Variants in KCNQ3 observed in about 807,000 individuals in gnomAD.
KCNQ3 encodes the protein potassium voltage-gated channel subfamily Q member 3, also known as potassium voltage-gated channel subfamily KQT member 3.
Under a neutral mutation model 92.5 loss-of-function variants are expected in KCNQ3, and 30 were observed. That is an observed-to-expected ratio of 0.32 (90% confidence interval 0.24 to 0.44). KCNQ3 has a LOEUF of 0.44. Among genes scored for constraint, KCNQ3 ranks in the 20% least tolerant of loss-of-function variants. The pLI is 1.00. For synonymous variants in KCNQ3, 450 were observed against 468.8 expected (o/e 0.96, Z 0.52); for missense variants, 913 against 1,140.3 (o/e 0.80, Z 2.87).
chr8:132,147,343 C>CATT (rs10659931), intron 9 of KCNQ3, among the ~76,000 whole-genome samples: 92,308 of 151,718 alleles, frequency 0.61, 28,352 homozygotes, highest in African/African-American at 0.66. Flanking sequence ...TTATAACCAT[C>CATT]ATAAGCTATT....
chr8:132,319,701 G>T (rs928077386), intron 1 of KCNQ3, among the ~76,000 whole-genome samples: 1 of 152,202 alleles, frequency 6.6e-6, no homozygotes, highest in African/African-American at 2.4e-5. Context: ...CTGGACTCTT[G>T]CATGCTCCCC....
At chr8:132,193,104 C>T (rs1035453794) in intron 1 of KCNQ3, among the ~76,000 whole-genome samples, 3 of 152,178 alleles carry the variant, frequency 2.0e-5, no homozygotes, top group Non-Finnish European at 4.4e-5. Flanking sequence ...ACTTCTCCCT[C>T]CCTTCTACAC....
chr8:132,437,358 T>G (rs1813661685), intron 1 of KCNQ3, among the ~76,000 whole-genome samples: 1 of 152,114 alleles, frequency 6.6e-6, no homozygotes. Flanking sequence ...AGGTTTTAGT[T>G]CTGGCATCCA....
chr8:132,312,513 C>T (rs1342505350), intron 1 of KCNQ3, among the ~76,000 whole-genome samples: 1 of 152,126 alleles, frequency 6.6e-6, no homozygotes, highest in Non-Finnish European at 1.5e-5. Context: ...TGAGGTCTTT[C>T]ATGTGCTCCA....
At chr8:132,352,146 G>A (rs1284893096) in intron 1 of KCNQ3, among the ~76,000 whole-genome samples, 1 of 152,156 alleles carries the variant, frequency 6.6e-6, no homozygotes, top group Non-Finnish European at 1.5e-5. Context: ...AGCTCAGAGA[G>A]ATTATGTAAC....
intron 1 of KCNQ3, among the ~76,000 whole-genome samples, chr8:132,295,369 A>G (rs1381294703): frequency 6.6e-6 from 1 of 152,244 alleles, no homozygotes; most frequent in Non-Finnish European, 1.5e-5. Context: ...TGATGATTAA[A>G]AAGTCAAGAA....
chr8:132,275,596 T>A (rs1816300518), intron 1 of KCNQ3, among the ~76,000 whole-genome samples: 1 of 139,900 alleles, frequency 7.1e-6, no homozygotes. Context: ...TTTTTTTTTT[T>A]AGACAGAGTC....
At chr8:132,210,243 T>A (rs1324776326) in intron 1 of KCNQ3, among the ~76,000 whole-genome samples, 1 of 152,200 alleles carries the variant, frequency 6.6e-6, no homozygotes, top group East Asian at 1.9e-4. Flanking sequence ...AAAGTCACTC[T>A]CCAGAAGGAA....
At chr8:132,132,382 G>T in intron 13 of KCNQ3, 118 bp from the exon 14 acceptor site, 1 of 774,840 alleles carries the variant, frequency 1.3e-6, no homozygotes, top group Non-Finnish European at 2.3e-6. Context: ...CACTTGTGTG[G>T]CATAAAAGAG....
chr8:132,462,941 C>A (rs1259772462), intron 1 of KCNQ3, among the ~76,000 whole-genome samples: 1 of 151,976 alleles, frequency 6.6e-6, no homozygotes, highest in South Asian at 2.1e-4. Flanking sequence ...TCTTTTTCTA[C>A]ACACACACAC....
chr8:132,361,218 C>T (rs1238848116), intron 1 of KCNQ3, among the ~76,000 whole-genome samples: 2 of 152,124 alleles, frequency 1.3e-5, no homozygotes, highest in Non-Finnish European at 2.9e-5. Context: ...CTCTCTGAAG[C>T]CAAGTAGTTT....
intron 12 of KCNQ3, among the ~76,000 whole-genome samples, chr8:132,136,914 A>G (rs1230659683): frequency 1.5e-5 from 2 of 129,192 alleles, no homozygotes; most frequent in Non-Finnish European, 3.4e-5. Context: ...CCCAGGCTGA[A>G]GTGCAGTGGT....
chr8:132,407,688 A>AC (rs1654111690), intron 1 of KCNQ3, among the ~76,000 whole-genome samples: 1 of 152,112 alleles, frequency 6.6e-6, no homozygotes, highest in South Asian at 2.1e-4. Context: ...CACCATCACT[A>AC]CAGTATTTGG....
At position 132,350,903 on chromosome 8, in the gene KCNQ3, A is replaced by C. The variant is rs1207250282; in HGVS notation, c.386+129244T>G. On this transcript the variant is annotated intron_variant, in intron 1 of 14. Transcript: ENST00000388996. ...ACTCAAGAGAGAGGAATTTTTTTTTAACGAAGCAAATCTATTCGTGTGGCT... is the reference window on the plus strand; with the variant it reads ...ACTCAAGAGAGAGGAATTTTTTTTTCACGAAGCAAATCTATTCGTGTGGCT... 3.9e-5 allele frequency among the ~76,000 whole-genome samples: 6 copies of C among 152,128 alleles called. No homozygotes were observed. The East Asian group carries it at 1.2e-3, about 29-fold the overall frequency.
rs146813247 is a variant in KCNQ3 at position 132,235,863 on chromosome 8, C to T, written c.387-49682G>A. Among the ~76,000 whole-genome samples the T allele has an allele frequency of 4.0e-3, 610 of 152,290 alleles. 2 individuals are homozygous for T. Among genetic ancestry groups the T allele is most frequent in the Non-Finnish European group, 6.7e-3 (453 of 68,028 alleles). On this transcript the variant is annotated intron_variant, in intron 1 of 14. Transcript: ENST00000388996. ...TAGAATAAGTTAGCACCTTTCTAAG[C>T]GGCTTTCAGTAACATCACCAAGTCC...
chr8:132,419,791 C>A (rs1380526467), intron 1 of KCNQ3, among the ~76,000 whole-genome samples: 1 of 152,174 alleles, frequency 6.6e-6, no homozygotes, highest in Non-Finnish European at 1.5e-5. Flanking sequence ...CAAGGCAACA[C>A]AGATATTCAG....
At chr8:132,477,100 A>C (rs1822430206) in intron 1 of KCNQ3, among the ~76,000 whole-genome samples, 1 of 152,002 alleles carries the variant, frequency 6.6e-6, no homozygotes, top group South Asian at 2.1e-4. Flanking sequence ...TTCTTCCATG[A>C]TTGTAAGTTT....
chr8:132,461,993 TC>T (rs1357718881), intron 1 of KCNQ3, among the ~76,000 whole-genome samples: 1 of 152,170 alleles, frequency 6.6e-6, no homozygotes, highest in African/African-American at 2.4e-5. Context: ...CTTAACCATG[TC>T]TTTTACCCAT....
intron 1 of KCNQ3, among the ~76,000 whole-genome samples, chr8:132,430,318 T>TA (rs2130822870): frequency 6.6e-6 from 1 of 152,330 alleles, no homozygotes. Context: ...TTAGAAATTT[T>TA]AAAAGGGCCC....
Sources: gnomAD v4.1 joint callset for allele counts (sites outside exome capture counted in the v4.1 genomes callset) on GRCh38, gnomAD v4.1.1 for gene constraint, MANE v1.5 for transcripts, NCBI Gene and HGNC (gene_info 2026-07-23, HGNC 2026-07-21) for gene names.